PPM1L: variants seen among roughly 807,000 people sequenced by gnomAD.
The protein encoded by PPM1L is protein phosphatase, Mg2+/Mn2+ dependent 1L.
In PPM1L, 13 loss-of-function variants were observed where a neutral mutation model predicts 31.4. That is an observed-to-expected ratio of 0.41 (90% CI 0.27 to 0.66). The LOEUF is 0.66. Ranked by LOEUF, PPM1L falls within the 30% of genes least tolerant of loss-of-function variation. PPM1L has a pLI of 0.29. For missense variants in PPM1L, 326 were observed against 453.7 expected (o/e 0.72, Z 2.56); for synonymous variants, 184 against 175.4 (o/e 1.05, Z -0.39).
intron 2 of PPM1L, among the ~76,000 whole-genome samples, chr3:161,008,664 T>C (rs1717791255): frequency 1.3e-5 from 2 of 152,166 alleles, no homozygotes; most frequent in Middle Eastern, 6.8e-3. Context: ...TTCTAATAGA[T>C]TGGATGTGAA....
chr3:160,904,224 G>A (rs186081796), intron 1 of PPM1L, among the ~76,000 whole-genome samples: 3 of 152,062 alleles, frequency 2.0e-5, no homozygotes, highest in African/African-American at 4.8e-5. Context: ...CAGGTTTTGC[G>A]ATTTTACTCT....
intron 1 of PPM1L, among the ~76,000 whole-genome samples, chr3:160,896,547 T>C (rs1430118727): frequency 1.3e-5 from 2 of 152,202 alleles, no homozygotes; most frequent in African/African-American, 4.8e-5. Context: ...CCTTAAAGAC[T>C]GAAGACATGT....
At chr3:160,977,303 C>T (rs1716623419) in intron 2 of PPM1L, among the ~76,000 whole-genome samples, 1 of 152,144 alleles carries the variant, frequency 6.6e-6, no homozygotes, top group East Asian at 1.9e-4. Context: ...TTTAATCAAT[C>T]CTAGGGAATT....
intron 1 of PPM1L, among the ~76,000 whole-genome samples, chr3:160,845,434 C>A (rs1452955635): frequency 6.6e-6 from 1 of 151,798 alleles, no homozygotes; most frequent in Non-Finnish European, 1.5e-5. Context: ...TTTTTCCATT[C>A]TTTGGGTTGT....
chr3:160,958,231 C>T (rs1483224648), intron 1 of PPM1L, among the ~76,000 whole-genome samples: 1 of 152,118 alleles, frequency 6.6e-6, no homozygotes, highest in East Asian at 1.9e-4. Flanking sequence ...AAATCTTTGG[C>T]CATGCCTATG....
At chr3:160,982,828 G>A (rs1308159395) in intron 2 of PPM1L, among the ~76,000 whole-genome samples, 1 of 152,148 alleles carries the variant, frequency 6.6e-6, no homozygotes. Context: ...CAGTAAACAT[G>A]TAAGCCTCTC....
At chr3:160,760,297 C>G (rs1186812895) in intron 1 of PPM1L, among the ~76,000 whole-genome samples, 1 of 152,176 alleles carries the variant, frequency 6.6e-6, no homozygotes, top group Non-Finnish European at 1.5e-5. Flanking sequence ...TGTACTTCAG[C>G]CTCTTATGAT....
intron 1 of PPM1L, among the ~76,000 whole-genome samples, chr3:160,838,740 A>T (rs1003430500): frequency 5.9e-5 from 9 of 152,074 alleles, no homozygotes; most frequent in African/African-American, 2.2e-4. Flanking sequence ...TAGTAAGGAG[A>T]TGGAATTAGA....
chr3:160,908,675 C>G (rs78925615), intron 1 of PPM1L, among the ~76,000 whole-genome samples: 1,909 of 152,184 alleles, frequency 0.013, 38 homozygotes, highest in African/African-American at 0.044. Context: ...ATGGTGATTA[C>G]CAAGACAGAG....
intron 2 of PPM1L, among the ~76,000 whole-genome samples, chr3:161,005,214 G>A (rs542213959): frequency 2.7e-4 from 41 of 152,184 alleles, no homozygotes; most frequent in Middle Eastern, 3.4e-3. Flanking sequence ...GTAGTTGAGC[G>A]GTTTTGAGTG....
chr3:161,007,263 T>C (rs935900468), intron 2 of PPM1L, among the ~76,000 whole-genome samples: 2 of 152,160 alleles, frequency 1.3e-5, no homozygotes, highest in Non-Finnish European at 2.9e-5. Context: ...AGGACATAAG[T>C]AGGTTACTAT....
At chr3:161,067,660 T>G (rs943942594) in intron 3 of PPM1L, among the ~76,000 whole-genome samples, 2 of 152,234 alleles carry the variant, frequency 1.3e-5, no homozygotes, top group Non-Finnish European at 2.9e-5. Context: ...AACTGGAACT[T>G]CACAGAGGCT....
intron 1 of PPM1L, among the ~76,000 whole-genome samples, chr3:160,916,521 A>G (rs192969027): frequency 6.6e-6 from 1 of 152,288 alleles, no homozygotes; most frequent in Admixed American, 6.5e-5. Context: ...GATAATAGAA[A>G]AATATCGATA....
chr3:160,811,011 A>G (rs1223558409), intron 1 of PPM1L, among the ~76,000 whole-genome samples: 1 of 152,250 alleles, frequency 6.6e-6, no homozygotes, highest in East Asian at 1.9e-4. Context: ...AATCTCCCTC[A>G]GTTTCTATTC....
chr3:160,947,055 T>C (rs762777228), intron 1 of PPM1L, among the ~76,000 whole-genome samples: 4 of 152,164 alleles, frequency 2.6e-5, no homozygotes, highest in Non-Finnish European at 4.4e-5. Context: ...AGCAGCAGCA[T>C]GAGTAAGAAA....
At chr3:161,042,227 C>A (rs1176090110) in intron 2 of PPM1L, among the ~76,000 whole-genome samples, 1 of 152,328 alleles carries the variant, frequency 6.6e-6, no homozygotes, top group African/African-American at 2.4e-5. Context: ...TCCCATTAAG[C>A]TGTCACTTCT....
intron 1 of PPM1L, among the ~76,000 whole-genome samples, chr3:160,868,200 G>T (rs1712161572): frequency 6.6e-6 from 1 of 152,162 alleles, no homozygotes; most frequent in African/African-American, 2.4e-5. Flanking sequence ...AAGAGTAAGA[G>T]AGCTGTTTTT....
intron 1 of PPM1L, among the ~76,000 whole-genome samples, chr3:160,832,467 G>T (rs1401829535): frequency 6.6e-6 from 1 of 152,118 alleles, no homozygotes; most frequent in Non-Finnish European, 1.5e-5. Flanking sequence ...AGGTATTTGG[G>T]ATTGTACAGG....
At chr3:160,952,377 G>A (rs1715600649) in intron 1 of PPM1L, among the ~76,000 whole-genome samples, 1 of 152,172 alleles carries the variant, frequency 6.6e-6, no homozygotes, top group African/African-American at 2.4e-5. Context: ...TTCAAGGGCA[G>A]GGAAACCTTG....
Sources: allele counts gnomAD v4.1 joint callset (sites outside exome capture counted in the v4.1 genomes callset), GRCh38; gene constraint gnomAD v4.1.1; transcripts MANE v1.5; gene names NCBI Gene and HGNC (gene_info 2026-07-23, HGNC 2026-07-21).